The following SH3BP5 variants were observed in gnomAD, a reference collection of about 807,000 sequenced individuals.
SH3BP5 encodes SH3 domain-binding protein 5.
SH3BP5 carries 22 observed loss-of-function variants against 43.3 expected under a neutral mutation model. That is an observed-to-expected ratio of 0.51 (90% CI 0.36 to 0.73). The LOEUF is 0.73. SH3BP5 is among the 30% of genes least tolerant of loss of function. The probability of loss-of-function intolerance (pLI) is 0.00; values close to 1 mark genes in which losing one functional copy is unlikely to be tolerated. For synonymous variants in SH3BP5, 255 were observed against 225.8 expected (o/e 1.13, Z -1.16); for missense variants, 529 against 586.9 (o/e 0.90, Z 1.02).
intron 2 of SH3BP5, among the ~76,000 whole-genome samples, chr3:15,322,029 A>AC (rs1383941481): frequency 2.0e-5 from 3 of 151,986 alleles, no homozygotes; most frequent in African/African-American, 7.2e-5. Context: ...ACATAGTGAA[A>AC]CCCCGTCTCT....
At chr3:15,266,538 A>C (rs1559428851) in intron 4 of SH3BP5, among the ~76,000 whole-genome samples, 1 of 152,126 alleles carries the variant, frequency 6.6e-6, no homozygotes, top group Non-Finnish European at 1.5e-5. Context: ...AAAAGCTATC[A>C]CCTTCCCATA....
intron 3 of SH3BP5, among the ~76,000 whole-genome samples, chr3:15,277,816 C>G (rs184055215): frequency 5.3e-5 from 8 of 152,210 alleles, no homozygotes; most frequent in Non-Finnish European, 8.8e-5. Context: ...GCATACACCC[C>G]CCCAGCACTT....
At position 15,256,897 on chromosome 3, in the gene SH3BP5, C is replaced by T; in HGVS notation, c.1106G>A (p.Ser369Asn). Reference sequence around the variant, plus strand: ...AGGGGAGGAGGCCCCGCTGCATTCACTTCGAGGGCCCAACACTGGGAACAT... The same window carrying T: ...AGGGGAGGAGGCCCCGCTGCATTCATTTCGAGGGCCCAACACTGGGAACAT... ...GMMFPVLGPRSECSGASSPEC... is the reference protein window; with the variant it reads ...GMMFPVLGPRNECSGASSPEC... Residue 369 changes from serine (S) to asparagine (N), a missense_variant, in exon 8 of 9, where the codon AGT (serine) becomes AAT (asparagine). By Grantham distance (46) the Ser-to-Asn change is conservative (BLOSUM62 1). Around this residue, in one of 3 missense-constraint regions of SH3BP5, gnomAD observed 369 missense variants for 384.3 expected, o/e 0.96. Transcript: ENST00000383791. The T allele has an allele frequency of 2.5e-6, 4 of 1,613,938 alleles. No individual in the cohort carries two copies. The highest frequency in any genetic ancestry group is 3.4e-6 in the Non-Finnish European group (4 of 1,179,826).
chr3:15,255,981 G>T lies in SH3BP5; in HGVS notation c.*105C>A. 1.1e-6 allele frequency: 1 copy of T among 943,360 alleles called. No individual in the cohort carries two copies. The highest frequency in any genetic ancestry group is 1.7e-6 in the Non-Finnish European group (1 of 605,150). The allele number at this position is 943,360 out of a possible 1,614,324, so 58.4% of individuals were successfully genotyped here. ...ACTGAAACTTCATTAGAGCAGTTTA[G>T]AGTAGACGTGTAAGATTTGGCATAT... On this transcript the variant is annotated 3_prime_UTR_variant, in exon 9 of 9. Coordinates refer to ENST00000383791, the MANE Select transcript of SH3BP5 (RefSeq NM_004844.5).
chr3:15,276,493 G>T (rs1696972939), intron 3 of SH3BP5, among the ~76,000 whole-genome samples: 1 of 152,128 alleles, frequency 6.6e-6, no homozygotes, highest in African/African-American at 2.4e-5. Flanking sequence ...ACAATTGGAC[G>T]GTCTCCCCGC....
In SH3BP5 at chr3:15,255,817, T is replaced by C. The variant is rs966436667; in HGVS notation, c.*269A>G. 5.5e-6 allele frequency: 2 copies of C among 366,400 alleles called. No individual in the cohort carries two copies. Among genetic ancestry groups the C allele is most frequent in the Non-Finnish European group, 9.9e-6 (2 of 201,384 alleles). 22.7% of individuals were successfully genotyped at this position (366,400 alleles called of 1,614,324 possible). On this transcript the variant is annotated 3_prime_UTR_variant, in exon 9 of 9. Coordinates refer to ENST00000383791, the MANE Select transcript of SH3BP5 (RefSeq NM_004844.5). ...CTGGTTCTTTCATAGGAACTAGTTA[T>C]TGCTTCCACAATGCCGTTATACGGA...
chr3:15,306,778 C>T (rs779734995), intron 2 of SH3BP5, among the ~76,000 whole-genome samples: 2 of 152,118 alleles, frequency 1.3e-5, no homozygotes, highest in East Asian at 1.9e-4. Flanking sequence ...AAGCAATTCT[C>T]GTCCCTCAGC....
At chr3:15,275,917 G>A (rs1475152964) in intron 3 of SH3BP5, 2 of 151,016 alleles carry the variant, frequency 1.3e-5, no homozygotes, top group Non-Finnish European at 2.9e-5. Flanking sequence ...CTACTCGGGA[G>A]GCTGAGGCAG....
intron 6 of SH3BP5, 199 bp downstream of exon 6, chr3:15,259,562 G>C: frequency 1.5e-6 from 1 of 672,616 alleles, no homozygotes; most frequent in Non-Finnish European, 2.7e-6. Context: ...CAGAGAAGGT[G>C]ACTGAATGGC....
At position 15,289,781 on chromosome 3, in the gene SH3BP5, C is replaced by T. The variant is rs142836678; in HGVS notation, c.330+14322G>A. 7.3e-4 allele frequency among the ~76,000 whole-genome samples: 111 copies of T among 152,182 alleles called. 1 individual carries two copies. Among genetic ancestry groups the T allele is most frequent in the Middle Eastern group, 3.4e-3 (1 of 294 alleles). ...CTACATAAACTAATACGGCATCTTACACCTCATGATTTCCTTCCAACAGCT... is the reference window on the plus strand; with the variant it reads ...CTACATAAACTAATACGGCATCTTATACCTCATGATTTCCTTCCAACAGCT... On this transcript the variant is annotated intron_variant, in intron 3 of 8. Transcript: ENST00000383791.
chr3:15,301,112 C>G (rs899197199), intron 3 of SH3BP5, among the ~76,000 whole-genome samples: 4 of 152,126 alleles, frequency 2.6e-5, no homozygotes, highest in Admixed American at 6.6e-5. Flanking sequence ...TGCAGAAGAG[C>G]AGGGAGTGGT....
chr3:15,259,761 C>T lies in SH3BP5; in HGVS notation c.669G>A (p.Glu223=). The T allele has an allele frequency of 6.2e-7, 1 of 1,614,088 alleles. No homozygotes were observed. The highest frequency in any genetic ancestry group is 8.5e-7 in the Non-Finnish European group (1 of 1,179,958). ...ELKAKYYVQL[E]QLKKTVDDLQ... ...TGACGAAGCCCAAAGCTACACATAC[C>T]TCGAGCTGCACATAGTACTTTGCCT... Residue 223 remains glutamate, a splice_region_variant and synonymous_variant, in exon 6 of 9, where the codon GAG becomes GAA. Transcript: ENST00000383791.
intron 3 of SH3BP5, among the ~76,000 whole-genome samples, chr3:15,281,901 G>A (rs2125081856): frequency 6.6e-6 from 1 of 152,276 alleles, no homozygotes; most frequent in East Asian, 1.9e-4. Context: ...CTACTCAGGA[G>A]GCTGAGGCAG....
At chr3:15,332,165 C>A in intron 1 of SH3BP5, 106 bp downstream of exon 1, 2 of 1,508,568 alleles carry the variant, frequency 1.3e-6, no homozygotes, top group South Asian at 1.2e-5. Context: ...GCCGCCAGTC[C>A]CCGGACCACA....
chr3:15,303,528 T>G (rs915223384), intron 3 of SH3BP5, among the ~76,000 whole-genome samples: 2 of 151,958 alleles, frequency 1.3e-5, no homozygotes, highest in African/African-American at 4.8e-5. Flanking sequence ...CCCCCAGCAA[T>G]CGCCTGATCA....
At chr3:15,304,814 C>CAAAAAA (rs11358968) in intron 2 of SH3BP5, among the ~76,000 whole-genome samples, 1 of 80,154 alleles carries the variant, frequency 1.2e-5, no homozygotes, top group Non-Finnish European at 2.5e-5. Flanking sequence ...GACTCTGTCT[C>CAAAAAA]AAAAAAAAAA....
intron 2 of SH3BP5, among the ~76,000 whole-genome samples, chr3:15,309,341 T>C (rs1238828989): frequency 6.6e-6 from 1 of 152,170 alleles, no homozygotes; most frequent in East Asian, 1.9e-4. Context: ...TTGTTTTCAC[T>C]TGATCTTAGC....
intron 2 of SH3BP5, among the ~76,000 whole-genome samples, chr3:15,326,042 T>A (rs1289119440): frequency 6.6e-6 from 1 of 152,096 alleles, no homozygotes; most frequent in Non-Finnish European, 1.5e-5. Context: ...AGCTGACTGA[T>A]CAATGGATCT....
intron 2 of SH3BP5, among the ~76,000 whole-genome samples, chr3:15,329,165 T>G (rs1698539190): frequency 6.6e-6 from 1 of 151,488 alleles, no homozygotes; most frequent in Non-Finnish European, 1.5e-5. Flanking sequence ...AAAAAAAATT[T>G]TAATTAAATT....
Sources: gnomAD v4.1 joint callset for allele counts (sites outside exome capture counted in the v4.1 genomes callset) on GRCh38, gnomAD v4.1.1 for gene constraint, gnomAD v4.1.1 regional missense constraint, MANE v1.5 for transcripts, NCBI Gene and HGNC (gene_info 2026-07-23, HGNC 2026-07-21) for gene names.